Variants in ZNF804B observed in about 807,000 individuals in gnomAD.
ZNF804B encodes zinc finger protein 804B, also known as zinc finger 804B.
In ZNF804B, 80 loss-of-function variants were observed where a neutral mutation model predicts 101.4. That is an observed-to-expected ratio of 0.79 (90% CI 0.66 to 0.95). ZNF804B has a LOEUF of 0.95. ZNF804B is among the 40% of genes least tolerant of loss of function. ZNF804B has a pLI of 0.00. For missense variants in ZNF804B, 1,673 were observed against 1,561.9 expected (o/e 1.07, Z -1.20); for synonymous variants, 622 against 558.8 (o/e 1.11, Z -1.59).
intron 1 of ZNF804B, among the ~76,000 whole-genome samples, chr7:88,906,992 T>C (rs1364272460): frequency 6.6e-6 from 1 of 152,086 alleles, no homozygotes; most frequent in Admixed American, 6.6e-5. Context: ...ATAATGGCTT[T>C]CTTTGTCCTT....
At position 89,336,971 on chromosome 7, in the gene ZNF804B, G is replaced by A. The variant is rs1791105404; in HGVS notation, c.3989G>A (p.Ser1330Asn). The change falls in exon 4 of 4, where the codon AGC becomes AAC. Residue 1330 changes from serine (S) to asparagine (N), a missense_variant. Ser to Asn is a conservative substitution (Grantham distance 46). Transcript: ENST00000333190. ...GQDFCHHSCSSQMQQLNEVKE... is the reference protein window; with the variant it reads ...GQDFCHHSCSNQMQQLNEVKE... ...GATTTTTGCCATCATTCTTGCTCTA[G>A]CCAGATGCAACAGCTAAATGAAGTG... The A allele has an allele frequency of 6.2e-7, 1 of 1,613,866 alleles. No homozygotes were observed.
At chr7:89,100,922 ATGTG>A (rs1166123655) in intron 1 of ZNF804B, among the ~76,000 whole-genome samples, 1 of 151,894 alleles carries the variant, frequency 6.6e-6, no homozygotes, top group Non-Finnish European at 1.5e-5. Context: ...TCAAGGTTAT[ATGTG>A]TGTGTGTGTC....
At chr7:88,988,567 T>C (rs1793798590) in intron 1 of ZNF804B, among the ~76,000 whole-genome samples, 1 of 152,078 alleles carries the variant, frequency 6.6e-6, no homozygotes, top group Non-Finnish European at 1.5e-5. Context: ...GGAGTGTAGA[T>C]GGTCTGCAAC....
chr7:88,936,213 C>T (rs562265267), intron 1 of ZNF804B, among the ~76,000 whole-genome samples: 1 of 152,082 alleles, frequency 6.6e-6, no homozygotes, highest in Admixed American at 6.6e-5. Flanking sequence ...ATGTTCCCAG[C>T]ATTACACTAT....
chr7:88,776,358 A>G (rs754310563), intron 1 of ZNF804B, among the ~76,000 whole-genome samples: 5 of 152,170 alleles, frequency 3.3e-5, no homozygotes, highest in Non-Finnish European at 7.3e-5. Flanking sequence ...ATTATACTGT[A>G]GTTGGTTTTT....
At chr7:89,287,500 G>T (rs1172624930) in intron 2 of ZNF804B, among the ~76,000 whole-genome samples, 3 of 152,058 alleles carry the variant, frequency 2.0e-5, no homozygotes, top group African/African-American at 7.2e-5. Flanking sequence ...AATCTTGCAG[G>T]GTGTCAGAGA....
At chr7:88,904,892 A>G (rs1197925890) in intron 1 of ZNF804B, among the ~76,000 whole-genome samples, 2 of 152,156 alleles carry the variant, frequency 1.3e-5, no homozygotes, top group African/African-American at 4.8e-5. Context: ...TTTATCAGTG[A>G]AAAGAGATAG....
At chr7:89,104,756 T>C (rs1384085813) in intron 1 of ZNF804B, among the ~76,000 whole-genome samples, 1 of 152,046 alleles carries the variant, frequency 6.6e-6, no homozygotes, top group Non-Finnish European at 1.5e-5. Context: ...TTCACTCTTC[T>C]CTTGTTAATT....
chr7:89,295,502 A>G (rs1026511639), intron 2 of ZNF804B, among the ~76,000 whole-genome samples: 5 of 152,016 alleles, frequency 3.3e-5, no homozygotes, highest in Non-Finnish European at 5.9e-5. Context: ...TTTTGTTTCC[A>G]TCAGTTTCTC....
intron 1 of ZNF804B, among the ~76,000 whole-genome samples, chr7:88,920,730 A>G (rs562459893): frequency 1.2e-4 from 18 of 152,224 alleles, no homozygotes; most frequent in Non-Finnish European, 2.4e-4. Flanking sequence ...ATAGAACATT[A>G]TCTAGTAAAA....
chr7:89,037,709 A>G (rs998448357), intron 1 of ZNF804B, among the ~76,000 whole-genome samples: 1 of 152,064 alleles, frequency 6.6e-6, no homozygotes, highest in African/African-American at 2.4e-5. Flanking sequence ...TATACAATAC[A>G]TTATTAAGTA....
At chr7:89,252,731 A>G (rs1280461324) in intron 2 of ZNF804B, among the ~76,000 whole-genome samples, 2 of 152,224 alleles carry the variant, frequency 1.3e-5, no homozygotes, top group Non-Finnish European at 2.9e-5. Context: ...TGTTCTTTGC[A>G]GCAACATGAA....
intron 1 of ZNF804B, among the ~76,000 whole-genome samples, chr7:88,880,724 A>G (rs974354202): frequency 6.6e-6 from 1 of 152,088 alleles, no homozygotes; most frequent in Non-Finnish European, 1.5e-5. Context: ...AAGGAAGAAA[A>G]TTTTAATTAA....
intron 1 of ZNF804B, among the ~76,000 whole-genome samples, chr7:88,990,500 T>G (rs549115184): frequency 1.3e-5 from 2 of 152,194 alleles, no homozygotes; most frequent in South Asian, 4.1e-4. Context: ...AGCATTATTA[T>G]TTTTACAGAG....
intron 1 of ZNF804B, among the ~76,000 whole-genome samples, chr7:89,170,695 G>A (rs962427007): frequency 2.0e-5 from 3 of 152,020 alleles, no homozygotes; most frequent in Non-Finnish European, 4.4e-5. Flanking sequence ...TCCTTGCCTT[G>A]GTGGTAGGTT....
At chr7:88,792,142 T>G (rs1790391292) in intron 1 of ZNF804B, among the ~76,000 whole-genome samples, 1 of 151,988 alleles carries the variant, frequency 6.6e-6, no homozygotes, top group African/African-American at 2.4e-5. Context: ...GCCTTCGAGA[T>G]CACACGGAAT....
At chr7:88,848,516 C>G (rs1479616202) in intron 1 of ZNF804B, among the ~76,000 whole-genome samples, 1 of 151,770 alleles carries the variant, frequency 6.6e-6, no homozygotes, top group East Asian at 1.9e-4. Flanking sequence ...CCATCAGTCT[C>G]AGGGAAGAAA....
chr7:88,916,004 T>C (rs1276272910), intron 1 of ZNF804B, among the ~76,000 whole-genome samples: 1 of 152,004 alleles, frequency 6.6e-6, no homozygotes, highest in South Asian at 2.1e-4. Context: ...TTTATGATTA[T>C]AAATCACCTT....
At chr7:88,996,531 C>T (rs999077581) in intron 1 of ZNF804B, among the ~76,000 whole-genome samples, 1 of 151,972 alleles carries the variant, frequency 6.6e-6, no homozygotes, top group African/African-American at 2.4e-5. Flanking sequence ...TTAACTTTGT[C>T]TTTACCATGT....
Sources: gnomAD v4.1 joint callset for allele counts (sites outside exome capture counted in the v4.1 genomes callset) on GRCh38, gnomAD v4.1.1 for gene constraint, MANE v1.5 for transcripts, NCBI Gene and HGNC (gene_info 2026-07-23, HGNC 2026-07-21) for gene names.